The following SEMA6D variants were observed in gnomAD, a reference collection of about 807,000 sequenced individuals.
SEMA6D encodes the protein semaphorin 6D.
A neutral mutation model predicts 106.6 loss-of-function variants in SEMA6D; 35 were observed. That is an observed-to-expected ratio of 0.33 (90% CI 0.25 to 0.44). SEMA6D has a LOEUF of 0.44. Ranked by LOEUF, SEMA6D falls within the 20% of genes least tolerant of loss-of-function variation. SEMA6D has a pLI of 1.00. For synonymous variants in SEMA6D, 499 were observed against 487.7 expected, an observed-to-expected ratio of 1.02 and a Z score of -0.31; for missense variants, 1,185 against 1,345.9, an observed-to-expected ratio of 0.88 and a Z score of 1.87.
At chr15:47,554,451 C>T (rs2045858479) in intron 3 of SEMA6D, among the ~76,000 whole-genome samples, 1 of 152,188 alleles carries the variant, frequency 6.6e-6, no homozygotes, top group African/African-American at 2.4e-5. Flanking sequence ...ACTCTCTTTG[C>T]AGGGATCAAT....
chr15:47,590,750 C>T (rs771247149), intron 3 of SEMA6D, among the ~76,000 whole-genome samples: 8 of 152,056 alleles, frequency 5.3e-5, no homozygotes, highest in South Asian at 2.1e-4. Flanking sequence ...TACCAAGGAT[C>T]GATGGCCATC....
chr15:47,579,380 GACCC>G (rs1486816745), intron 3 of SEMA6D, among the ~76,000 whole-genome samples: 10 of 152,072 alleles, frequency 6.6e-5, no homozygotes, highest in Admixed American at 6.5e-4. Context: ...GACCTCAGGT[GACCC>G]ACCCACCTAG....
intron 1 of SEMA6D, among the ~76,000 whole-genome samples, chr15:47,740,526 AAAAC>A (rs1194005378): frequency 4.3e-4 from 65 of 152,110 alleles, no homozygotes; most frequent in African/African-American, 4.8e-5. Context: ...CTCAAAAAAC[AAAAC>A]AAACAAACAA....
chr15:47,519,126 C>T (rs978818480), intron 3 of SEMA6D, among the ~76,000 whole-genome samples: 16 of 151,974 alleles, frequency 1.1e-4, no homozygotes, highest in South Asian at 2.1e-4. Flanking sequence ...AATAAATAAA[C>T]GTTAAAAATT....
chr15:47,733,946 T>C (rs1023854852), intron 1 of SEMA6D, among the ~76,000 whole-genome samples: 1 of 152,136 alleles, frequency 6.6e-6, no homozygotes, highest in Admixed American at 6.6e-5. Context: ...AGAGAAAATA[T>C]AAGAACAAGT....
chr15:47,266,481 C>T (rs2034323022), intron 1 of SEMA6D, among the ~76,000 whole-genome samples: 1 of 152,014 alleles, frequency 6.6e-6, no homozygotes, highest in Admixed American at 6.6e-5. Flanking sequence ...TGGGCAAAAG[C>T]CTTAAGTCTT....
At chr15:47,270,012 G>T (rs1408100568) in intron 1 of SEMA6D, among the ~76,000 whole-genome samples, 1 of 151,372 alleles carries the variant, frequency 6.6e-6, no homozygotes, top group Admixed American at 6.6e-5. Flanking sequence ...AATTTATTTA[G>T]ATCTTTAGTT....
chr15:47,756,371 A>T (rs959625706), intron 1 of SEMA6D, among the ~76,000 whole-genome samples: 3 of 152,166 alleles, frequency 2.0e-5, no homozygotes, highest in African/African-American at 7.2e-5. Context: ...GACAAGACGT[A>T]ACCAGAATAG....
At chr15:47,413,779 G>C (rs540202936) in intron 2 of SEMA6D, among the ~76,000 whole-genome samples, 1 of 152,014 alleles carries the variant, frequency 6.6e-6, no homozygotes, top group African/African-American at 2.4e-5. Context: ...CACTGCATTC[G>C]GCCACTAATA....
chr15:47,501,856 G>GGTTTT (rs760161123), intron 3 of SEMA6D, among the ~76,000 whole-genome samples: 6 of 131,416 alleles, frequency 4.6e-5, no homozygotes, highest in South Asian at 2.4e-4. Context: ...GGAGATTTTT[G>GGTTTT]GTTTTGTTTT....
intron 4 of SEMA6D, among the ~76,000 whole-genome samples, chr15:47,651,099 T>A (rs2144955668): frequency 6.6e-6 from 1 of 152,322 alleles, no homozygotes; most frequent in Non-Finnish European, 1.5e-5. Context: ...TACTGAATCC[T>A]ATGAGCTACC....
At chr15:47,664,623 A>G (rs1203695134) in intron 4 of SEMA6D, among the ~76,000 whole-genome samples, 1 of 152,164 alleles carries the variant, frequency 6.6e-6, no homozygotes, top group Non-Finnish European at 1.5e-5. Context: ...GAACCTCTCC[A>G]GAAGGAATGA....
Position 47,763,131 on chromosome 15 carries a change from G to A in SEMA6D, c.747+27G>A, listed in dbSNP as rs1214443909. The A allele has an allele frequency of 4.5e-6, 7 of 1,556,478 alleles. No individual in the cohort carries two copies. In the South Asian group the frequency reaches 6.8e-5, roughly 15 times the overall value. ...CAAGTATATGCATTTGGCTTGAATT[G>A]TGGACTTGTACTGCATGAAATTGAG... is the stretch of plus-strand genomic sequence containing the variant. On this transcript the variant is annotated intron_variant, in intron 9 of 18. Transcript: ENST00000536845.
chr15:47,199,442 A>G (rs1894571109), intron 1 of SEMA6D, among the ~76,000 whole-genome samples: 1 of 152,162 alleles, frequency 6.6e-6, no homozygotes, highest in African/African-American at 2.4e-5. Flanking sequence ...CTCTAGGAAG[A>G]GTGTGTGTCT....
intron 4 of SEMA6D, among the ~76,000 whole-genome samples, chr15:47,657,229 A>G (rs148357923): frequency 6.6e-6 from 1 of 152,352 alleles, no homozygotes; most frequent in East Asian, 1.9e-4. Context: ...TGAACTGAGC[A>G]GTAAGTTTTT....
intron 4 of SEMA6D, among the ~76,000 whole-genome samples, chr15:47,694,894 A>G (rs1033458198): frequency 3.9e-5 from 6 of 152,192 alleles, no homozygotes; most frequent in African/African-American, 1.4e-4. Context: ...TATTACAATT[A>G]TTGAGTTGGT....
At chr15:47,402,747 CTTTTTT>C (rs11344225) in intron 1 of SEMA6D, among the ~76,000 whole-genome samples, 1 of 121,512 alleles carries the variant, frequency 8.2e-6, no homozygotes, top group Non-Finnish European at 1.7e-5. Context: ...GTGAGCCAGA[CTTTTTT>C]TTTTTTTTTT....
At chr15:47,243,342 CATT>C (rs1308219827) in intron 1 of SEMA6D, among the ~76,000 whole-genome samples, 5 of 151,834 alleles carry the variant, frequency 3.3e-5, no homozygotes, top group African/African-American at 1.2e-4. Context: ...CTTACATCAT[CATT>C]ATCTGTGTCA....
At chr15:47,232,764 T>G (rs1049878001) in intron 1 of SEMA6D, among the ~76,000 whole-genome samples, 2 of 151,952 alleles carry the variant, frequency 1.3e-5, no homozygotes, top group African/African-American at 2.4e-5. Flanking sequence ...TCTTTGCACG[T>G]TTTTAAATAA....
Sources: allele counts gnomAD v4.1 joint callset (sites outside exome capture counted in the v4.1 genomes callset), GRCh38; gene constraint gnomAD v4.1.1; transcripts MANE v1.5; gene names NCBI Gene and HGNC (gene_info 2026-07-23, HGNC 2026-07-21).